The following UBASH3B variants were observed in gnomAD, a reference collection of about 807,000 sequenced individuals.
The protein encoded by UBASH3B is ubiquitin associated and SH3 domain containing B.
Under a neutral mutation model 83.4 loss-of-function variants are expected in UBASH3B, and 37 were observed. The ratio of observed to expected loss-of-function variants is 0.44; its 90% confidence interval spans 0.34 to 0.58. UBASH3B has a LOEUF of 0.58. Ranked by LOEUF, UBASH3B falls within the 20% of genes least tolerant of loss-of-function variation. The pLI, the probability that UBASH3B is intolerant of heterozygous loss-of-function variation, is 0.01. For missense variants in UBASH3B, 657 were observed against 827.2 expected (o/e 0.79, Z 2.52); for synonymous variants, 304 against 318.3 (o/e 0.96, Z 0.48).
At chr11:122,662,904 G>A (rs570732974) in intron 1 of UBASH3B, among the ~76,000 whole-genome samples, 32 of 151,278 alleles carry the variant, frequency 2.1e-4, no homozygotes, top group Non-Finnish European at 1.5e-5. Flanking sequence ...GTATTTGGAT[G>A]TGCTAGTAGG....
chr11:122,738,754 G>T (rs1860976444), intron 1 of UBASH3B, among the ~76,000 whole-genome samples: 1 of 152,056 alleles, frequency 6.6e-6, no homozygotes, highest in Admixed American at 6.6e-5. Flanking sequence ...GGGCGTGGTG[G>T]TGCATGCCTG....
At position 122,720,972 on chromosome 11, in the gene UBASH3B, G is replaced by A. The variant is rs373753413; in HGVS notation, c.162-55247G>A. Among the ~76,000 whole-genome samples, 7 of 152,090 alleles carry A rather than the reference G, an allele frequency of 4.6e-5. No individual in the cohort carries two copies. In the South Asian group the frequency reaches 6.2e-4, roughly 14 times the overall value. On this transcript the variant is annotated intron_variant, in intron 1 of 13. Transcript: ENST00000284273. ...AAAAGAATGAATGACTCGGCCAGGC[G>A]CGGTGGCTCACGCCTGTAATCCCAG...
intron 1 of UBASH3B, among the ~76,000 whole-genome samples, chr11:122,721,041 G>T (rs576668625): frequency 6.6e-6 from 1 of 151,804 alleles, no homozygotes; most frequent in Non-Finnish European, 1.5e-5. Flanking sequence ...GTCAGGAGAT[G>T]GAGACCATCC....
rs548074182 is a variant in UBASH3B at position 122,805,487 on chromosome 11, G to A, written c.1596-923G>A. 4.3e-4 allele frequency among the ~76,000 whole-genome samples: 66 copies of A among 152,232 alleles called. 1 individual carries two copies. Among genetic ancestry groups the A allele is most frequent in the African/African-American group, 1.4e-3 (59 of 41,552 alleles). ...GCGGAGGTTGCAGTGAGTCGAGATC[G>A]AGCCATTGCACTCCGGCCTGGGCAA... is the stretch of plus-strand genomic sequence containing the variant. On this transcript the variant is annotated intron_variant, in intron 11 of 13. Transcript: ENST00000284273.
At chr11:122,698,838 T>C (rs1046514853) in intron 1 of UBASH3B, among the ~76,000 whole-genome samples, 2 of 152,126 alleles carry the variant, frequency 1.3e-5, no homozygotes, top group African/African-American at 4.8e-5. Flanking sequence ...GTGCAGACCA[T>C]ATACTGGGAT....
intron 1 of UBASH3B, among the ~76,000 whole-genome samples, chr11:122,728,391 G>C (rs1172068070): frequency 6.6e-6 from 1 of 152,200 alleles, no homozygotes; most frequent in Non-Finnish European, 1.5e-5. Context: ...TCCTGTTGAA[G>C]CAGGTCGGGG....
intron 1 of UBASH3B, among the ~76,000 whole-genome samples, chr11:122,671,342 A>G (rs950934374): frequency 2.0e-5 from 3 of 152,146 alleles, no homozygotes; most frequent in African/African-American, 7.2e-5. Flanking sequence ...CCTAGGCAAC[A>G]TGGCAAAACC....
chr11:122,694,000 G>A (rs1367845628), intron 1 of UBASH3B, among the ~76,000 whole-genome samples: 4 of 152,202 alleles, frequency 2.6e-5, no homozygotes, highest in Admixed American at 6.5e-5. Context: ...GGGATGCAAC[G>A]ATGGAGGCCC....
At chr11:122,708,774 T>C (rs907348441) in intron 1 of UBASH3B, among the ~76,000 whole-genome samples, 1 of 152,142 alleles carries the variant, frequency 6.6e-6, no homozygotes, top group African/African-American at 2.4e-5. Flanking sequence ...CCATGTAATA[T>C]GGGGCAAGTT....
At chr11:122,790,768 G>A (rs1861039408) in intron 6 of UBASH3B, among the ~76,000 whole-genome samples, 1 of 151,898 alleles carries the variant, frequency 6.6e-6, no homozygotes, top group African/African-American at 2.4e-5. Context: ...CCAACATGGT[G>A]AAACCGCGTC....
chr11:122,776,999 T>A (rs1359060555), intron 2 of UBASH3B, 25 bp from the exon 3 acceptor site: 3 of 1,563,840 alleles, frequency 1.9e-6, no homozygotes, highest in South Asian at 2.4e-5. Context: ...AAGCGACACC[T>A]TGTTGGCTTA....
intron 1 of UBASH3B, among the ~76,000 whole-genome samples, chr11:122,725,616 G>C (rs1006270287): frequency 6.6e-6 from 1 of 152,158 alleles, no homozygotes; most frequent in African/African-American, 2.4e-5. Context: ...GGAGCATGCT[G>C]TACTGGATTT....
At chr11:122,777,298 A>G (rs1199916836) in intron 3 of UBASH3B, 88 bp downstream of exon 3, 1 of 1,399,920 alleles carries the variant, frequency 7.1e-7, no homozygotes, top group East Asian at 2.5e-5. Context: ...GAGGCCTCGC[A>G]GGAAGACAGC....
At chr11:122,686,632 G>A (rs1422956268) in intron 1 of UBASH3B, among the ~76,000 whole-genome samples, 1 of 152,188 alleles carries the variant, frequency 6.6e-6, no homozygotes, top group Non-Finnish European at 1.5e-5. Context: ...AAGCCATCCA[G>A]GCTTGTTAAT....
intron 1 of UBASH3B, among the ~76,000 whole-genome samples, chr11:122,770,702 C>T (rs1262545768): frequency 1.3e-5 from 2 of 152,116 alleles, no homozygotes; most frequent in East Asian, 3.9e-4. Flanking sequence ...ACTGTCACCC[C>T]CAGCCCCAAC....
chr11:122,753,784 C>T (rs983597802), intron 1 of UBASH3B, among the ~76,000 whole-genome samples: 3 of 152,054 alleles, frequency 2.0e-5, no homozygotes, highest in South Asian at 2.1e-4. Context: ...CGTGAGCCAC[C>T]GTGCCCGGCC....
intron 1 of UBASH3B, among the ~76,000 whole-genome samples, chr11:122,764,657 C>T (rs1479235397): frequency 6.6e-6 from 1 of 152,202 alleles, no homozygotes; most frequent in Non-Finnish European, 1.5e-5. Context: ...CCACTGGTAG[C>T]TGAAAGAGTG....
At chr11:122,693,142 G>A (rs1015361192) in intron 1 of UBASH3B, among the ~76,000 whole-genome samples, 3 of 152,118 alleles carry the variant, frequency 2.0e-5, no homozygotes, top group African/African-American at 7.2e-5. Context: ...CAAGGGTGGG[G>A]AGAACTACAA....
chr11:122,734,886 ATC>A (rs1306639124), intron 1 of UBASH3B, among the ~76,000 whole-genome samples: 1 of 151,790 alleles, frequency 6.6e-6, no homozygotes, highest in Non-Finnish European at 1.5e-5. Flanking sequence ...GCATTTTCAG[ATC>A]TGTCTTTTCT....
Sources: allele counts gnomAD v4.1 joint callset (sites outside exome capture counted in the v4.1 genomes callset), GRCh38; gene constraint gnomAD v4.1.1; transcripts MANE v1.5; gene names NCBI Gene and HGNC (gene_info 2026-07-23, HGNC 2026-07-21).